The following CXADR variants were observed in gnomAD, a reference collection of about 807,000 sequenced individuals.
CXADR encodes CXADR cell adhesion molecule, also known as coxsackievirus and adenovirus receptor.
CXADR carries 20 observed loss-of-function variants against 40.3 expected under a neutral mutation model. The ratio of observed to expected loss-of-function variants is 0.50; its 90% confidence interval spans 0.35 to 0.72. CXADR has a LOEUF of 0.72. CXADR is among the 30% of genes least tolerant of loss of function. The probability of loss-of-function intolerance (pLI) is 0.01; values close to 1 mark genes in which losing one functional copy is unlikely to be tolerated. For missense variants in CXADR, 332 were observed against 449.1 expected, an observed-to-expected ratio of 0.74 and a Z score of 2.36; for synonymous variants, 150 against 161.3, an observed-to-expected ratio of 0.93 and a Z score of 0.53.
Position 17,547,197 on chromosome 21 carries a change from A to G in CXADR, c.210+4A>G. The G allele has an allele frequency of 6.2e-7, 1 of 1,614,138 alleles. No homozygotes were observed. Among genetic ancestry groups the G allele is most frequent in the Non-Finnish European group, 8.5e-7 (1 of 1,180,028 alleles). ...TAATCAGAAGGTGGATCAAGTGGTA[A>G]GTTTGATATGTCCTTGCTCGCTTAG... On this transcript the variant is annotated splice_donor_region_variant and intron_variant, in intron 2 of 6. Transcript: ENST00000284878.
At chr21:17,592,498 T>C (rs1471089602) in intron 7 of CXADR, among the ~76,000 whole-genome samples, 1 of 151,722 alleles carries the variant, frequency 6.6e-6, no homozygotes, top group Non-Finnish European at 1.5e-5. Context: ...ATAAATAAAT[T>C]CTGTCTGCTA....
At chr21:17,576,221 C>T (rs1039011487) in intron 7 of CXADR, among the ~76,000 whole-genome samples, 7 of 151,988 alleles carry the variant, frequency 4.6e-5, no homozygotes, top group African/African-American at 1.7e-4. Flanking sequence ...TGGCAGGGAG[C>T]TAGGGAATCC....
At chr21:17,596,771 A>G (rs1208037971), downstream of CXADR, among the ~76,000 whole-genome samples, 1 of 152,092 alleles carries the variant, frequency 6.6e-6, no homozygotes, top group Admixed American at 6.6e-5. Context: ...CTTTCCAGAA[A>G]AAAACCTTTT....
intron 1 of CXADR, among the ~76,000 whole-genome samples, chr21:17,527,849 T>TCG (rs1459680656): frequency 6.6e-6 from 1 of 151,844 alleles, no homozygotes; most frequent in Non-Finnish European, 1.5e-5. Flanking sequence ...TCTCGCTCTG[T>TCG]CGCCCAGGCT....
At position 17,561,396 on chromosome 21, in the gene CXADR, G is replaced by T; in HGVS notation, c.753G>T (p.Ala251=). The change falls in exon 6 of 7, where the codon GCG becomes GCT. Residue 251 remains alanine (A), a synonymous_variant. Coordinates refer to ENST00000284878, the MANE Select transcript of CXADR (RefSeq NM_001338.5). ...GAIIGTLLAL[A]LIGLIIFCCR... ...TTATAGGAACTTTGCTTGCTCTAGC[G>T]CTCATTGGTCTTATCATCTTTTGCT... 6.2e-7 allele frequency: 1 copy of T among 1,611,428 alleles called. No individual in the cohort carries two copies. The highest frequency in any genetic ancestry group is 8.5e-7 in the Non-Finnish European group (1 of 1,178,640).
Position 17,578,932 on chromosome 21 carries a change from T to C in CXADR, c.1017+13321T>C, listed in dbSNP as rs539927149. On this transcript the variant is annotated intron_variant, in intron 7 of 7. Coordinates refer to the CXADR transcript ENST00000400169. The stretch of plus-strand genomic sequence containing the variant: ...TCAGATGAAATGGTTATTGTTTATC[T>C]TCTCTTTGCCTCCCCACATCCCCCC... Among the ~76,000 whole-genome samples the C allele has an allele frequency of 5.9e-5, 9 of 152,348 alleles. No individual in the cohort carries two copies. In the South Asian group the frequency reaches 1.0e-3, roughly 18 times the overall value.
chr21:17,605,023 T>C, the CXADR span: 1 of 1,606,422 alleles, frequency 6.2e-7, no homozygotes, highest in Non-Finnish European at 8.5e-7. Flanking sequence ...GTTACGTTAA[T>C]GGATTTAAAT....
chr21:17,534,792 T>TTTTTTTTTTC (rs2060733266), intron 1 of CXADR, among the ~76,000 whole-genome samples: 1 of 148,786 alleles, frequency 6.7e-6, no homozygotes, highest in Admixed American at 6.7e-5. Flanking sequence ...TTTCTTCCTT[T>TTTTTTTTTTC]TTTTTTTTTT....
chr21:17,525,819 A>G (rs984695794), intron 1 of CXADR, among the ~76,000 whole-genome samples: 5 of 152,236 alleles, frequency 3.3e-5, no homozygotes, highest in East Asian at 1.9e-4. Flanking sequence ...ATTCTCATGT[A>G]TAGGAAACAA....
Position 17,541,903 on chromosome 21 carries a change from C to A in CXADR, c.44-5124C>A, listed in dbSNP as rs572552965. ...ACCAGATTTCTTCACTGTAAAGTTACTACTTTTTCCTCTGTAATGAAAGTG... is the reference window on the plus strand; with the variant it reads ...ACCAGATTTCTTCACTGTAAAGTTAATACTTTTTCCTCTGTAATGAAAGTG... On this transcript the variant is annotated intron_variant, in intron 1 of 6. Coordinates refer to ENST00000284878, the MANE Select transcript of CXADR (RefSeq NM_001338.5). The A allele has an allele frequency of 8.3e-4, 194 of 233,338 alleles. 1 individual carries two copies. The highest frequency in any genetic ancestry group is 4.1e-3 in the African/African-American group (172 of 42,456). 14.5% of individuals were successfully genotyped at this position (233,338 alleles called of 1,614,324 possible). A position where few individuals can be genotyped will look rare whatever the true frequency, so the allele number is the denominator to read the frequency against.
chr21:17,601,883 ATTTC>A, the CXADR span, among the ~76,000 whole-genome samples: 1 of 152,208 alleles, frequency 6.6e-6, no homozygotes, highest in Admixed American at 6.5e-5. Context: ...ATTAACTCAG[ATTTC>A]TTTGACACCT....
chr21:17,534,164 G>A (rs2060723232), intron 1 of CXADR, among the ~76,000 whole-genome samples: 1 of 134,672 alleles, frequency 7.4e-6, no homozygotes, highest in African/African-American at 2.9e-5. Context: ...CTGGAGTGCA[G>A]TGGCGCGATC....
intron 7 of CXADR, among the ~76,000 whole-genome samples, chr21:17,584,386 G>A (rs562131097): frequency 1.2e-4 from 19 of 152,324 alleles, no homozygotes; most frequent in African/African-American, 3.1e-4. Context: ...AGGAAAGAGC[G>A]TATTGTAGTG....
Position 17,529,931 on chromosome 21 carries a change from ATTTTTC to A in CXADR, c.43+16777_43+16782del, listed in dbSNP as rs200582940. On this transcript the variant is annotated intron_variant, in intron 1 of 6. Transcript: ENST00000284878. ...GCCCCTTCCAGTCCCTTCCTTTACT[ATTTTTC>A]TTTTTCTTTTTCTTTTTTTTTTTTA... 5.8e-3 allele frequency among the ~76,000 whole-genome samples: 868 copies of A among 148,658 alleles called. 34 individuals are homozygous for A. In the East Asian group the frequency reaches 0.11, roughly 19 times the overall value.
At chr21:17,570,750 T>G (rs1336967597), downstream of CXADR, among the ~76,000 whole-genome samples, 5 of 152,328 alleles carry the variant, frequency 3.3e-5, no homozygotes, top group Non-Finnish European at 5.9e-5. Flanking sequence ...GCACAGATAT[T>G]CGAACCAAAG....
chr21:17,629,489 C>T, the CXADR span, among the ~76,000 whole-genome samples: 4 of 151,806 alleles, frequency 2.6e-5, no homozygotes, highest in Non-Finnish European at 5.9e-5. Flanking sequence ...TACCTGAGTC[C>T]AGGAGGTTGA....
chr21:17,622,673 G>A, the CXADR span, among the ~76,000 whole-genome samples: 1 of 152,166 alleles, frequency 6.6e-6, no homozygotes, highest in Non-Finnish European at 1.5e-5. Context: ...GAGGTATTAT[G>A]TATAGAAGGA....
At chr21:17,588,959 C>T (rs1002519296) in intron 7 of CXADR, among the ~76,000 whole-genome samples, 2 of 151,984 alleles carry the variant, frequency 1.3e-5, no homozygotes, top group African/African-American at 4.8e-5. Context: ...TTGTCTTTCA[C>T]CAAATTTTAA....
the CXADR span, among the ~76,000 whole-genome samples, chr21:17,615,681 T>G: frequency 6.6e-6 from 1 of 152,204 alleles, no homozygotes. Flanking sequence ...GTATTTCCAT[T>G]TCACAGCTAA....
Sources: gnomAD v4.1 joint callset for allele counts (sites outside exome capture counted in the v4.1 genomes callset) on GRCh38, gnomAD v4.1.1 for gene constraint, MANE v1.5 for transcripts, NCBI Gene and HGNC (gene_info 2026-07-23, HGNC 2026-07-21) for gene names.